ARHGAP25: variants seen among roughly 807,000 people sequenced by gnomAD.
ARHGAP25 encodes Rho GTPase activating protein 25.
Under a neutral mutation model 71.0 loss-of-function variants are expected in ARHGAP25, and 34 were observed. The ratio of observed to expected loss-of-function variants is 0.48; its 90% CI spans 0.36 to 0.64. The LOEUF (loss-of-function observed/expected upper bound fraction) is 0.64. ARHGAP25 is among the 30% of genes least tolerant of loss of function. The pLI is 0.00. For missense variants in ARHGAP25, 706 were observed against 805.1 expected, an observed-to-expected ratio of 0.88 and a Z score of 1.49; for synonymous variants, 282 against 296.5, an observed-to-expected ratio of 0.95 and a Z score of 0.50.
At chr2:68,725,984 A>T (rs556024771) in intron 2 of ARHGAP25, among the ~76,000 whole-genome samples, 2 of 152,292 alleles carry the variant, frequency 1.3e-5, no homozygotes, top group South Asian at 4.1e-4. Context: ...CCAACTATTT[A>T]AAAATGCAAT....
intron 2 of ARHGAP25, among the ~76,000 whole-genome samples, chr2:68,775,981 ACG>A (rs1558629286): frequency 2.0e-5 from 3 of 152,234 alleles, no homozygotes; most frequent in Non-Finnish European, 4.4e-5. Flanking sequence ...AGCAGATGTC[ACG>A]AGTTAAGGGA....
chr2:68,745,492 C>T (rs576657798), intron 1 of ARHGAP25, among the ~76,000 whole-genome samples: 1 of 152,314 alleles, frequency 6.6e-6, no homozygotes, highest in African/African-American at 2.4e-5. Flanking sequence ...ACTGAATATG[C>T]ACCCTTAAAT....
At chr2:68,757,196 C>T (rs1481602718) in intron 1 of ARHGAP25, among the ~76,000 whole-genome samples, 1 of 152,144 alleles carries the variant, frequency 6.6e-6, no homozygotes, top group East Asian at 1.9e-4. Flanking sequence ...AGTGGACCAG[C>T]TTACTCATTG....
Position 68,826,226 on chromosome 2 carries a change from G to C in ARHGAP25, c.*32G>C, listed in dbSNP as rs548521412. ...CAGGAGTACTGCAGGGACAGCCCCA[G>C]AGAGGCCCAACTCTGGCCCCTTTCT... On this transcript the variant is annotated 3_prime_UTR_variant, in exon 11 of 11. Transcript: ENST00000409202. The C allele has an allele frequency of 3.7e-6, 6 of 1,600,516 alleles. No individual in the cohort carries two copies. The African/African-American group carries it at 5.4e-5, about 14-fold the overall frequency.
intron 2 of ARHGAP25, among the ~76,000 whole-genome samples, chr2:68,718,530 AGTGT>A (rs34203928): frequency 9.5e-4 from 144 of 151,150 alleles, no homozygotes; most frequent in African/African-American, 1.7e-3. Context: ...GAAATATATA[AGTGT>A]GTGTGTGTGT....
intron 5 of ARHGAP25, among the ~76,000 whole-genome samples, chr2:68,810,748 T>A (rs1274626241): frequency 1.8e-5 from 2 of 109,514 alleles, no homozygotes; most frequent in Non-Finnish European, 3.8e-5. Context: ...TTTTTTTTTT[T>A]TTTTGAGACC....
At chr2:68,721,751 A>G (rs1042965155) in intron 2 of ARHGAP25, among the ~76,000 whole-genome samples, 7 of 152,222 alleles carry the variant, frequency 4.6e-5, no homozygotes, top group African/African-American at 1.7e-4. Context: ...TTAAAAATAC[A>G]GTTCTCCAGC....
chr2:68,776,347 CAG>C (rs1241177020), intron 2 of ARHGAP25, among the ~76,000 whole-genome samples: 2 of 152,054 alleles, frequency 1.3e-5, no homozygotes, highest in Non-Finnish European at 2.9e-5. Flanking sequence ...GGGCTCTGAG[CAG>C]AGAGTGACAG....
chr2:68,824,771 G>A (rs1044270599), intron 10 of ARHGAP25, among the ~76,000 whole-genome samples: 3 of 152,106 alleles, frequency 2.0e-5, no homozygotes, highest in Admixed American at 6.5e-5. Context: ...AAAAAAGATG[G>A]AATGAGATCA....
At chr2:68,769,097 G>C (rs953684287) in intron 1 of ARHGAP25, among the ~76,000 whole-genome samples, 1 of 152,098 alleles carries the variant, frequency 6.6e-6, no homozygotes, top group Non-Finnish European at 1.5e-5. Flanking sequence ...CTCAGTATTA[G>C]CCTCTCATAT....
upstream of ARHGAP25, among the ~76,000 whole-genome samples, chr2:68,733,679 C>T (rs72828875): frequency 0.091 from 13,845 of 152,192 alleles, 756 homozygotes; most frequent in Non-Finnish European, 0.12. Flanking sequence ...AGCTTGTGGA[C>T]ATTCTCTTTC....
At chr2:68,751,758 C>T (rs1056369574) in intron 1 of ARHGAP25, among the ~76,000 whole-genome samples, 1 of 152,248 alleles carries the variant, frequency 6.6e-6, no homozygotes, top group Non-Finnish European at 1.5e-5. Flanking sequence ...AAAATCTCCT[C>T]ATTAAGTAAT....
At chr2:68,750,672 G>A (rs1242087604) in intron 1 of ARHGAP25, among the ~76,000 whole-genome samples, 4 of 152,008 alleles carry the variant, frequency 2.6e-5, no homozygotes, top group African/African-American at 9.7e-5. Flanking sequence ...AGAGGCGTCT[G>A]TGTGTGTGTG....
chr2:68,735,405 G>C (rs986618284), intron 1 of ARHGAP25, 145 bp downstream of exon 1: 1 of 828,590 alleles, frequency 1.2e-6, no homozygotes, highest in Non-Finnish European at 2.0e-6. Flanking sequence ...ATTTAAGTTG[G>C]CATGCCAGGT....
intron 5 of ARHGAP25, among the ~76,000 whole-genome samples, chr2:68,810,128 TAAA>T (rs11332513): frequency 5.0e-4 from 64 of 129,084 alleles, no homozygotes; most frequent in East Asian, 3.1e-3. Context: ...AGCCCTTGAT[TAAA>T]AAAAAAAAAA....
chr2:68,786,028 C>T (rs537344878), intron 3 of ARHGAP25, among the ~76,000 whole-genome samples: 1 of 152,252 alleles, frequency 6.6e-6, no homozygotes, highest in South Asian at 2.1e-4. Context: ...GTTCTTGTCT[C>T]TTGGACCTAT....
At chr2:68,729,901 A>AG (rs1674974749), upstream of ARHGAP25, among the ~76,000 whole-genome samples, 1 of 152,220 alleles carries the variant, frequency 6.6e-6, no homozygotes, top group Admixed American at 6.5e-5. Flanking sequence ...ATTCCCCCTG[A>AG]GGGGGGAAAA....
chr2:68,735,283 G>T, intron 1 of ARHGAP25, 23 bp downstream of exon 1: 1 of 1,610,614 alleles, frequency 6.2e-7, no homozygotes, highest in Non-Finnish European at 8.5e-7. Flanking sequence ...TCTTTTCGTT[G>T]CCTCTGTGAT....
intron 3 of ARHGAP25, among the ~76,000 whole-genome samples, chr2:68,784,976 A>G (rs908323309): frequency 3.3e-5 from 5 of 152,204 alleles, no homozygotes; most frequent in African/African-American, 1.2e-4. Context: ...TCTGAAGGCA[A>G]TGAGGGAGTC....
Sources: gnomAD v4.1 joint callset for allele counts (sites outside exome capture counted in the v4.1 genomes callset) on GRCh38, gnomAD v4.1.1 for gene constraint, MANE v1.5 for transcripts, NCBI Gene and HGNC (gene_info 2026-07-23, HGNC 2026-07-21) for gene names.